The following AHI1 variants were observed in gnomAD, a reference collection of about 807,000 sequenced individuals.
AHI1 encodes jouberin.
A neutral mutation model predicts 149.3 loss-of-function variants in AHI1; 123 were observed. The ratio of observed to expected loss-of-function variants is 0.82; its 90% CI spans 0.71 to 0.96. The LOEUF (loss-of-function observed/expected upper bound fraction) is 0.96. Among genes scored for constraint, AHI1 ranks in the 40% least tolerant of loss-of-function variants. The pLI is 0.00. For missense variants in AHI1, 1,439 were observed against 1,422.7 expected (o/e 1.01, Z -0.18); for synonymous variants, 475 against 459.8 (o/e 1.03, Z -0.42).
chr6:135,360,271 A>T (rs1793653065), intron 23 of AHI1, among the ~76,000 whole-genome samples: 1 of 152,202 alleles, frequency 6.6e-6, no homozygotes, highest in Non-Finnish European at 1.5e-5. Context: ...TGGTACCCAG[A>T]TACTTGATCA....
chr6:135,493,070 C>T (rs1795481659), intron 3 of AHI1: 2 of 663,946 alleles, frequency 3.0e-6, no homozygotes, highest in Non-Finnish European at 3.7e-6. Flanking sequence ...GTGATCTCGG[C>T]TCACTGCAAC....
chr6:135,413,933 T>C (rs1334567438), intron 20 of AHI1, among the ~76,000 whole-genome samples: 1 of 152,146 alleles, frequency 6.6e-6, no homozygotes, highest in East Asian at 1.9e-4. Context: ...AAATGATCTG[T>C]AGATTCAATG....
At chr6:135,458,970 C>T (rs1462702713) in intron 8 of AHI1, among the ~76,000 whole-genome samples, 2 of 152,076 alleles carry the variant, frequency 1.3e-5, no homozygotes, top group South Asian at 2.1e-4. Context: ...ATGTTAATAC[C>T]TCTCTCAACA....
At chr6:135,422,237 C>T (rs1783278162) in intron 20 of AHI1, among the ~76,000 whole-genome samples, 1 of 152,090 alleles carries the variant, frequency 6.6e-6, no homozygotes, top group Non-Finnish European at 1.5e-5. Flanking sequence ...TTTAATGAGG[C>T]CAGGCATGGT....
intron 24 of AHI1, among the ~76,000 whole-genome samples, chr6:135,344,624 CCCTTCCTCCCTCCCTT>C (rs1219196931): frequency 6.8e-6 from 1 of 147,544 alleles, no homozygotes; most frequent in East Asian, 2.0e-4. Context: ...CTCCCTCCCT[CCCTTCCTCCCTCCCTT>C]CCTTTCTTCC....
At chr6:135,462,455 T>C (rs1216301375) in intron 8 of AHI1, among the ~76,000 whole-genome samples, 1 of 152,118 alleles carries the variant, frequency 6.6e-6, no homozygotes, top group Non-Finnish European at 1.5e-5. Flanking sequence ...ACATCAGAAA[T>C]GTTTATTGGC....
chr6:135,480,637 G>C (rs1054725818), intron 5 of AHI1, among the ~76,000 whole-genome samples: 1 of 152,168 alleles, frequency 6.6e-6, no homozygotes, highest in African/African-American at 2.4e-5. Context: ...TGAGTAATGA[G>C]GACTTTGCCC....
At chr6:135,451,464 C>T (rs6570008) in intron 11 of AHI1, among the ~76,000 whole-genome samples, 149,271 of 152,310 alleles carry the variant, frequency 0.98, 73,156 homozygotes, top group East Asian at 1. Flanking sequence ...TGCAAAAAGA[C>T]CTAGTAAAAT....
At chr6:135,299,337 G>A (rs1783561171) in intron 27 of AHI1, among the ~76,000 whole-genome samples, 1 of 152,122 alleles carries the variant, frequency 6.6e-6, no homozygotes, top group Admixed American at 6.6e-5. Flanking sequence ...TTTTGTACTG[G>A]AAGAGACATA....
intron 27 of AHI1, among the ~76,000 whole-genome samples, chr6:135,292,615 C>T (rs1274056061): frequency 6.6e-6 from 1 of 152,198 alleles, no homozygotes; most frequent in Non-Finnish European, 1.5e-5. Context: ...GGGAAAATCA[C>T]TTGAGGCCCG....
chr6:135,403,158 TG>T (rs1049162072), intron 22 of AHI1, among the ~76,000 whole-genome samples: 62 of 152,202 alleles, frequency 4.1e-4, no homozygotes, highest in African/African-American at 1.4e-3. Context: ...GGAGTGTGTA[TG>T]TGTAGGAATT....
chr6:135,335,564 T>C (rs949764328), intron 24 of AHI1, among the ~76,000 whole-genome samples: 46 of 152,258 alleles, frequency 3.0e-4, no homozygotes, highest in African/African-American at 1.1e-3. Flanking sequence ...TACTCTTCTG[T>C]TTTTCTACTT....
intron 5 of AHI1, among the ~76,000 whole-genome samples, chr6:135,472,822 T>G (rs1319733599): frequency 1.3e-5 from 2 of 152,202 alleles, no homozygotes; most frequent in East Asian, 3.8e-4. Flanking sequence ...CTTTTGCCCT[T>G]TTTAATTAGG....
chr6:135,357,247 T>C (rs1478024030), intron 24 of AHI1, among the ~76,000 whole-genome samples: 1 of 152,214 alleles, frequency 6.6e-6, no homozygotes, highest in African/African-American at 2.4e-5. Flanking sequence ...ATCTTTATTT[T>C]CTTAATTGGT....
At chr6:135,310,788 G>A (rs1008296616) in intron 26 of AHI1, among the ~76,000 whole-genome samples, 1 of 151,908 alleles carries the variant, frequency 6.6e-6, no homozygotes. Flanking sequence ...ACTTATTACT[G>A]TACATCTAGC....
In AHI1 at chr6:135,431,210, T is replaced by G. The variant is rs1361410232; in HGVS notation, c.2371A>C (p.Lys791Gln). ...AAATATAAAATATGATTTTATACCT[T>G]ATTTATAGTCCAGTGGTGCACTGAA... Reference protein sequence around the residue: ...EHSVHHWTINKEIKETEFKGI... With the variant: ...EHSVHHWTINQEIKETEFKGI... Residue 791 changes from lysine to glutamine, a missense_variant and splice_region_variant, in exon 17 of 29, where the codon AAG becomes CAG. By Grantham distance (53) the Lys-to-Gln change is moderately conservative (BLOSUM62 1). Transcript: ENST00000265602. 1.3e-6 allele frequency: 2 copies of G among 1,565,248 alleles called. No homozygotes were observed. Among genetic ancestry groups the G allele is most frequent in the Non-Finnish European group, 1.7e-6 (2 of 1,147,516 alleles).
At chr6:135,362,292 T>C (rs975840715) in intron 23 of AHI1, among the ~76,000 whole-genome samples, 17 of 152,304 alleles carry the variant, frequency 1.1e-4, no homozygotes, top group Middle Eastern at 3.4e-3. Context: ...GACTTTTTTT[T>C]CCCTCTGGGT....
At chr6:135,335,985 C>T (rs1466078387) in intron 24 of AHI1, among the ~76,000 whole-genome samples, 6 of 151,752 alleles carry the variant, frequency 4.0e-5, no homozygotes, top group South Asian at 2.1e-4. Context: ...TGGTGGAGCA[C>T]GCCTGTAGTC....
At chr6:135,314,953 T>C (rs1785722580) in intron 26 of AHI1, among the ~76,000 whole-genome samples, 1 of 152,226 alleles carries the variant, frequency 6.6e-6, no homozygotes, top group Admixed American at 6.5e-5. Flanking sequence ...AAATCTGCCC[T>C]TGCCTACGTC....
Sources: gnomAD v4.1 joint callset for allele counts (sites outside exome capture counted in the v4.1 genomes callset) on GRCh38, gnomAD v4.1.1 for gene constraint, MANE v1.5 for transcripts, NCBI Gene and HGNC (gene_info 2026-07-23, HGNC 2026-07-21) for gene names.